Variants in HLA-DPB1 observed in about 807,000 individuals in gnomAD.
HLA-DPB1 encodes major histocompatibility complex, class II, DP beta 1.
A neutral mutation model predicts 29.4 loss-of-function variants in HLA-DPB1; 30 were observed. The ratio of observed to expected loss-of-function variants is 1.02; its 90% CI spans 0.76 to 1.38. The LOEUF is 1.38. Among genes scored for constraint, HLA-DPB1 ranks in the 40% most tolerant of loss-of-function variants. HLA-DPB1 has a pLI of 0.00. For synonymous variants in HLA-DPB1, 114 were observed against 134.0 expected (o/e 0.85, Z 1.03); for missense variants, 261 against 327.5 (o/e 0.80, Z 1.57).
intron 2 of HLA-DPB1, chr6:33,083,444 C>G (rs1415003062): frequency 1.3e-5 from 2 of 152,328 alleles, no homozygotes; most frequent in Admixed American, 1.3e-4. Context: ...GCACTTGACC[C>G]TTTTCTGTGT....
chr6:33,086,103 C>G (rs1763086360), intron 4 of HLA-DPB1, 116 bp from the exon 5 acceptor site: 1 of 995,830 alleles, frequency 1.0e-6, no homozygotes, highest in Non-Finnish European at 1.6e-6. Context: ...TACTCAGGCT[C>G]CTGCGGAGCG....
rs41556420 is a variant in HLA-DPB1, at chr6:33,080,874, G to A, written c.303G>A (p.Val101=). 4 of 1,612,614 alleles carry A rather than the reference G, an allele frequency of 2.5e-6. No homozygotes were observed. The highest frequency in any genetic ancestry group is 3.4e-6 in the Non-Finnish European group (4 of 1,179,458). The change falls in exon 2 of 6, where the codon GTG becomes GTA. Residue 101 remains valine (V), a synonymous_variant. Transcript: ENST00000418931. This position sits in a 1 kb window ranked among gnomAD's most constrained non-coding sequence, Gnocchi z 4.3. ...QKDILEEKRA[V]PDRMCRHNYE... ...ACATCCTGGAGGAGAAGCGGGCAGT[G>A]CCGGACAGGATGTGCAGACACAACT...
At chr6:33,079,579 T>C in intron 1 of HLA-DPB1, 2 of 414,802 alleles carry the variant, frequency 4.8e-6, no homozygotes, top group Non-Finnish European at 9.3e-6. Context: ...GTCTTAACAG[T>C]AGGGTTCGTA....
chr6:33,077,969 T>A (rs1762632639), intron 1 of HLA-DPB1, among the ~76,000 whole-genome samples: 1 of 152,104 alleles, frequency 6.6e-6, no homozygotes, highest in Non-Finnish European at 1.5e-5. Flanking sequence ...GGCTCAGCCC[T>A]GGGAACTGCA....
chr6:33,081,067 G>A, intron 2 of HLA-DPB1, 132 bp downstream of exon 2: 1 of 1,075,866 alleles, frequency 9.3e-7, no homozygotes, highest in African/African-American at 1.6e-5. Context: ...GGGATTCATG[G>A]GGGGAGCCCA....
At chr6:33,079,689 T>C (rs3135024) in intron 1 of HLA-DPB1, 123,913 of 496,294 alleles carry the variant, frequency 0.25, 17,913 homozygotes, top group East Asian at 0.68. Context: ...AAGTTTCTGG[T>C]CCACAGCCTC....
intron 1 of HLA-DPB1, chr6:33,079,833 C>T (rs1028490842): frequency 2.4e-6 from 1 of 414,174 alleles, no homozygotes; most frequent in Non-Finnish European, 4.7e-6. Context: ...ACCCCAGTAC[C>T]AGGGTGCACA....
chr6:33,085,767 T>C lies in HLA-DPB1; in HGVS notation c.647-12T>C. ...GTGGAGGTGACACTAAACCTGGGTC[T>C]GTCCTTCCCAGAGGCACAGTCTGAT... On this transcript the variant is annotated splice_polypyrimidine_tract_variant and intron_variant, in intron 3 of 5. Coordinates refer to ENST00000418931, the MANE Select transcript of HLA-DPB1 (RefSeq NM_002121.6). 1 of 1,598,694 alleles carries C rather than the reference T, an allele frequency of 6.3e-7. No homozygotes were observed. The highest frequency in any genetic ancestry group is 8.6e-7 in the Non-Finnish European group (1 of 1,166,182).
At chr6:33,079,123 CTG>C (rs1762706645) in intron 1 of HLA-DPB1, among the ~76,000 whole-genome samples, 1 of 152,254 alleles carries the variant, frequency 6.6e-6, no homozygotes, top group South Asian at 2.1e-4. Flanking sequence ...CTGCCACCAG[CTG>C]TGCAACTTCT....
intron 1 of HLA-DPB1, among the ~76,000 whole-genome samples, chr6:33,079,218 T>TC (rs1412052166): frequency 6.6e-6 from 1 of 152,122 alleles, no homozygotes; most frequent in Admixed American, 6.5e-5. Context: ...CACCTTAATT[T>TC]CCCCAGTGTG....
In HLA-DPB1 at chr6:33,089,306, T is replaced by C. The variant is rs1239053746; in HGVS notation, c.*2772T>C. On this transcript the variant is annotated 3_prime_UTR_variant, in exon 6 of 6. Coordinates refer to ENST00000418931, the MANE Select transcript of HLA-DPB1 (RefSeq NM_002121.6). ...GTCTCTCAGCTTCTCTGAAGTCTCA[T>C]TGAGCACCTTCTCTTCAATTTCTTT... Among the ~76,000 whole-genome samples the C allele has an allele frequency of 6.6e-6, 1 of 152,354 alleles. No individual in the cohort carries two copies. Among genetic ancestry groups the C allele is most frequent in the East Asian group, 1.9e-4 (1 of 5,188 alleles).
At position 33,080,365 on chromosome 6, in the gene HLA-DPB1, TC is replaced by T; in HGVS notation, c.101-305del. ...TCCCAGTGACCCCACGTGAAACGTCTCCGCCTCCTCCAGCCACCAGCAGAAG... is the reference window on the plus strand; with the variant it reads ...TCCCAGTGACCCCACGTGAAACGTCTCGCCTCCTCCAGCCACCAGCAGAAG... On this transcript the variant is annotated intron_variant, in intron 1 of 5. Coordinates refer to ENST00000418931, the MANE Select transcript of HLA-DPB1 (RefSeq NM_002121.6). This position sits in a 1 kb window ranked among gnomAD's most constrained non-coding sequence, Gnocchi z 4.3. The T allele has an allele frequency of 1.7e-6, 1 of 589,100 alleles. No homozygotes were observed. The highest frequency in any genetic ancestry group is 3.3e-6 in the Non-Finnish European group (1 of 306,102). The allele number at this position is 589,100 out of a possible 1,614,324, so 36.5% of individuals were successfully genotyped here.
At chr6:33,079,631 G>A in intron 1 of HLA-DPB1, 2 of 467,194 alleles carry the variant, frequency 4.3e-6, no homozygotes, top group Non-Finnish European at 8.4e-6. Context: ...CATTGCTTAT[G>A]GGAGCAACAA....
At position 33,080,582 on chromosome 6, in the gene HLA-DPB1, T is replaced by G; in HGVS notation, c.101-90T>G. The G allele has an allele frequency of 6.3e-7, 1 of 1,579,270 alleles. No homozygotes were observed. Among genetic ancestry groups the G allele is most frequent in the Non-Finnish European group, 8.7e-7 (1 of 1,151,528 alleles). On this transcript the variant is annotated intron_variant, in intron 1 of 5. Transcript: ENST00000418931. This position sits in a 1 kb window ranked among gnomAD's most constrained non-coding sequence, Gnocchi z 4.3. Reference sequence around the variant, plus strand: ...AAAATCCAGCCCTGGGTGGGAAGATTTGGGAAGAATCGTTAATATTGAGAG... The same window carrying G: ...AAAATCCAGCCCTGGGTGGGAAGATGTGGGAAGAATCGTTAATATTGAGAG...
intron 2 of HLA-DPB1, chr6:33,082,187 G>A (rs1021127034): frequency 6.6e-6 from 1 of 152,164 alleles, no homozygotes; most frequent in Non-Finnish European, 1.5e-5. Context: ...GGTTGAGAGA[G>A]GTGTTCAAAT....
chr6:33,080,466 TTCTC>T lies in HLA-DPB1; in HGVS notation c.101-200_101-197del, dbSNP rs998977153. 7 of 755,582 alleles carry T rather than the reference TTCTC, an allele frequency of 9.3e-6. No individual in the cohort carries two copies. Among genetic ancestry groups the T allele is most frequent in the Admixed American group, 4.0e-5 (2 of 49,822 alleles). 46.8% of individuals were successfully genotyped at this position (755,582 alleles called of 1,614,324 possible). Reference sequence around the variant, plus strand: ...CCCTGAGCTCATTCTTTTCAGTAAATTCTCTCTCTGCGTGGTGAGAAAACAGGCC... The same window carrying T: ...CCCTGAGCTCATTCTTTTCAGTAAATTCTCTGCGTGGTGAGAAAACAGGCC... On this transcript the variant is annotated intron_variant, in intron 1 of 5. Coordinates refer to ENST00000418931, the MANE Select transcript of HLA-DPB1 (RefSeq NM_002121.6). This position sits in a 1 kb window ranked among gnomAD's most constrained non-coding sequence, Gnocchi z 4.3.
Position 33,087,451 on chromosome 6 carries a change from G to T in HLA-DPB1, c.*917G>T, listed in dbSNP as rs1334690706. On this transcript the variant is annotated 3_prime_UTR_variant, in exon 6 of 6. Coordinates refer to ENST00000418931, the MANE Select transcript of HLA-DPB1 (RefSeq NM_002121.6). ...AATCCAACATTGTTATGTGTTTTGC[G>T]TCTCATATTGACACCTTTTGGTCAA... 6.7e-6 allele frequency among the ~76,000 whole-genome samples: 1 copy of T among 150,314 alleles called. No individual in the cohort carries two copies. Among genetic ancestry groups the T allele is most frequent in the Non-Finnish European group, 1.5e-5 (1 of 67,880 alleles).
Position 33,087,363 on chromosome 6 carries a change from G to A in HLA-DPB1, c.*829G>A, listed in dbSNP as rs1207110579. Among the ~76,000 whole-genome samples the A allele has an allele frequency of 6.6e-6, 1 of 151,622 alleles. No homozygotes were observed. The highest frequency in any genetic ancestry group is 2.4e-5 in the African/African-American group (1 of 41,214). On this transcript the variant is annotated 3_prime_UTR_variant, in exon 6 of 6. Transcript: ENST00000418931. ...CAGACAGAAATGACTCCCCACTGGG[G>A]AAAGAGCAAAGCAATACATGTAGCA...
intron 1 of HLA-DPB1, among the ~76,000 whole-genome samples, chr6:33,078,644 T>C (rs1762679335): frequency 6.6e-6 from 1 of 152,100 alleles, no homozygotes; most frequent in Non-Finnish European, 1.5e-5. Flanking sequence ...AATGAAGGTT[T>C]CAAATTACAC....
Sources: allele counts gnomAD v4.1 joint callset (sites outside exome capture counted in the v4.1 genomes callset), GRCh38; gene constraint gnomAD v4.1.1; non-coding constraint Gnocchi (gnomAD v3.1); transcripts MANE v1.5; gene names NCBI Gene and HGNC (gene_info 2026-07-23, HGNC 2026-07-21).